The following PPP2R5E variants were observed in gnomAD, a reference collection of about 807,000 sequenced individuals.
PPP2R5E encodes the protein protein phosphatase 2 regulatory subunit B'epsilon.
A neutral mutation model predicts 65.3 loss-of-function variants in PPP2R5E; 4 were observed. The observed-to-expected ratio is 0.06, with a 90% CI of 0.03 to 0.14. PPP2R5E has a LOEUF of 0.14. PPP2R5E is among the 10% of genes least tolerant of loss of function. PPP2R5E has a pLI of 1.00. For synonymous variants in PPP2R5E, 183 were observed against 187.4 expected (o/e 0.98, Z 0.19); for missense variants, 274 against 556.1 (o/e 0.49, Z 5.10).
intron 2 of PPP2R5E, among the ~76,000 whole-genome samples, chr14:63,522,798 G>T (rs1264608408): frequency 6.7e-6 from 1 of 149,852 alleles, no homozygotes; most frequent in Non-Finnish European, 1.5e-5. Flanking sequence ...CAGCCACCCC[G>T]TCCAGGAAGG....
intron 2 of PPP2R5E, among the ~76,000 whole-genome samples, chr14:63,463,666 G>A (rs1364944554): frequency 1.4e-5 from 2 of 147,932 alleles, no homozygotes; most frequent in Non-Finnish European, 3.0e-5. Flanking sequence ...GCACGATCTC[G>A]GCTCACTGCA....
At chr14:63,395,151 T>G in intron 7 of PPP2R5E, 75 bp downstream of exon 7, 1 of 1,258,098 alleles carries the variant, frequency 7.9e-7, no homozygotes, top group Non-Finnish European at 1.2e-6. Flanking sequence ...TAGGTGAGCA[T>G]CTCTTGGTGC....
chr14:63,406,809 T>C (rs941745174), intron 5 of PPP2R5E, among the ~76,000 whole-genome samples: 1 of 152,358 alleles, frequency 6.6e-6, no homozygotes. Context: ...ATGTAACATC[T>C]TAAGAGAACC....
At chr14:63,501,283 T>C (rs1891866051) in intron 2 of PPP2R5E, among the ~76,000 whole-genome samples, 1 of 151,734 alleles carries the variant, frequency 6.6e-6, no homozygotes, top group South Asian at 2.1e-4. Flanking sequence ...CGAGCGCCTG[T>C]AGTCCCAGCT....
intron 2 of PPP2R5E, among the ~76,000 whole-genome samples, chr14:63,469,406 A>G: frequency 6.6e-6 from 1 of 152,206 alleles, no homozygotes; most frequent in East Asian, 1.9e-4. Flanking sequence ...AAATACAATT[A>G]AAGTGGCCGG....
chr14:63,527,711 G>A (rs905233542), intron 2 of PPP2R5E, among the ~76,000 whole-genome samples: 1 of 152,082 alleles, frequency 6.6e-6, no homozygotes, highest in Non-Finnish European at 1.5e-5. Flanking sequence ...CAAGGCGGGC[G>A]AATCACACGG....
intron 2 of PPP2R5E, among the ~76,000 whole-genome samples, chr14:63,513,352 GA>G (rs1393249452): frequency 6.6e-6 from 1 of 152,118 alleles, no homozygotes; most frequent in East Asian, 1.9e-4. Context: ...GCAAAATGAA[GA>G]ACTTGGAAAA....
Position 63,453,884 on chromosome 14 carries a change from G to A in PPP2R5E, c.159C>T (p.Asp53=), listed in dbSNP as rs200507102. ...GTTCAGGCTGCTCTGAGGATGGAACGTCTAAGAAAAAAAAAGGAAATGGTG... is the reference window on the plus strand; with the variant it reads ...GTTCAGGCTGCTCTGAGGATGGAACATCTAAGAAAAAAAAAGGAAATGGTG... The part of the protein sequence containing the change: ...IELTPLPLLK[D]VPSSEQPELF... The change falls in exon 3 of 14, where the codon GAC becomes GAT. Residue 53 remains aspartate (D), a splice_region_variant and synonymous_variant. Coordinates refer to ENST00000337537, the MANE Select transcript of PPP2R5E (RefSeq NM_006246.5). 13 of 1,425,070 alleles carry A rather than the reference G, an allele frequency of 9.1e-6. No homozygotes were observed. The highest frequency in any genetic ancestry group is 2.6e-5 in the Admixed American group (1 of 37,780). 88.3% of individuals were successfully genotyped at this position (1,425,070 alleles called of 1,614,324 possible). A position where few individuals can be genotyped will look rare whatever the true frequency, so the allele number is the denominator to read the frequency against.
chr14:63,495,777 A>C (rs1041929807), intron 2 of PPP2R5E, among the ~76,000 whole-genome samples: 1 of 151,804 alleles, frequency 6.6e-6, no homozygotes, highest in Non-Finnish European at 1.5e-5. Flanking sequence ...TGCAGCCTCA[A>C]CCTCCTGCGT....
At chr14:63,443,827 A>G (rs1160752264) in intron 3 of PPP2R5E, among the ~76,000 whole-genome samples, 1 of 152,150 alleles carries the variant, frequency 6.6e-6, no homozygotes, top group African/African-American at 2.4e-5. Flanking sequence ...CTCACACTCC[A>G]AAAGTTCACA....
chr14:63,419,118 A>G (rs1418082548), intron 4 of PPP2R5E, among the ~76,000 whole-genome samples: 1 of 152,126 alleles, frequency 6.6e-6, no homozygotes, highest in Non-Finnish European at 1.5e-5. Flanking sequence ...AAGTGTTAGT[A>G]TTACAGGTAT....
chr14:63,454,700 A>C (rs189209012), intron 2 of PPP2R5E, among the ~76,000 whole-genome samples: 11 of 152,334 alleles, frequency 7.2e-5, no homozygotes, highest in African/African-American at 2.4e-4. Context: ...CCTGATCTAC[A>C]GTTGGACTTC....
intron 3 of PPP2R5E, among the ~76,000 whole-genome samples, chr14:63,434,658 C>T (rs916748511): frequency 3.3e-5 from 5 of 152,176 alleles, no homozygotes; most frequent in African/African-American, 1.2e-4. Context: ...ATCTCACTAT[C>T]ATCTCAAATT....
chr14:63,485,322 T>C (rs758246208), intron 2 of PPP2R5E, among the ~76,000 whole-genome samples: 8 of 152,180 alleles, frequency 5.3e-5, no homozygotes, highest in Non-Finnish European at 1.2e-4. Flanking sequence ...CAAGCAGGTC[T>C]CGAACTCTTG....
chr14:63,446,624 T>C (rs1320809439), intron 3 of PPP2R5E, among the ~76,000 whole-genome samples: 1 of 151,092 alleles, frequency 6.6e-6, no homozygotes, highest in Non-Finnish European at 1.5e-5. Context: ...GATCAGGAGA[T>C]CAAGATCATC....
Position 63,391,882 on chromosome 14 carries a change from A to T in PPP2R5E, c.904-15T>A. ...CCCCTAATAACCTAAAATGAAAAGG[A>T]GAAAAACAAATGGCATTTAACTTTT... On this transcript the variant is annotated splice_polypyrimidine_tract_variant and intron_variant, in intron 9 of 13. Transcript: ENST00000337537. 1 of 1,612,864 alleles carries T rather than the reference A, an allele frequency of 6.2e-7. No homozygotes were observed. The highest frequency in any genetic ancestry group is 8.5e-7 in the Non-Finnish European group (1 of 1,179,000).
intron 11 of PPP2R5E, among the ~76,000 whole-genome samples, chr14:63,387,689 T>C (rs375205195): frequency 3.9e-5 from 6 of 152,320 alleles, no homozygotes; most frequent in African/African-American, 1.4e-4. Context: ...CTTCGACAAA[T>C]TGAATTGTGT....
In PPP2R5E at chr14:63,399,366, CTTTTTTTTTTTTT is replaced by C. The variant is rs397814218; in HGVS notation, c.550-2663_550-2651del. On this transcript the variant is annotated intron_variant, in intron 5 of 13. Transcript: ENST00000337537. ...GCTACTAATAGGTCTGGATTTCTTT[CTTTTTTTTTTTTT>C]TTTTTTTTTTTTTTTTTTTGAGACA... 2.2e-3 allele frequency among the ~76,000 whole-genome samples: 106 copies of C among 48,530 alleles called. No individual in the cohort carries two copies. In the Admixed American group the frequency reaches 0.026, roughly 12 times the overall value. The allele number at this position is 48,530 out of a possible 152,430, so 31.8% of individuals were successfully genotyped here. A position where few individuals can be genotyped will look rare whatever the true frequency, so the allele number is the denominator to read the frequency against.
At chr14:63,514,007 A>G (rs1487076917) in intron 2 of PPP2R5E, among the ~76,000 whole-genome samples, 1 of 152,234 alleles carries the variant, frequency 6.6e-6, no homozygotes, top group Non-Finnish European at 1.5e-5. Flanking sequence ...GGAGAGCTGC[A>G]AAGTGTCAGG....
Sources: gnomAD v4.1 joint callset for allele counts (sites outside exome capture counted in the v4.1 genomes callset) on GRCh38, gnomAD v4.1.1 for gene constraint, MANE v1.5 for transcripts, NCBI Gene and HGNC (gene_info 2026-07-23, HGNC 2026-07-21) for gene names.